The following ZNF821 variants were observed in gnomAD, a reference collection of about 807,000 sequenced individuals.
ZNF821 encodes zinc finger protein 821.
In ZNF821, 16 loss-of-function variants were observed where a neutral mutation model predicts 44.3. That is an observed-to-expected ratio of 0.36 (90% confidence interval 0.24 to 0.55). The LOEUF (loss-of-function observed/expected upper bound fraction) is 0.55. Ranked by LOEUF, ZNF821 falls within the 20% of genes least tolerant of loss-of-function variation. The pLI is 0.86. For synonymous variants in ZNF821, 204 were observed against 197.6 expected (o/e 1.03, Z -0.27); for missense variants, 436 against 547.6 (o/e 0.80, Z 2.03).
At chr16:71,879,054 A>G (rs2036157596) in intron 3 of ZNF821, among the ~76,000 whole-genome samples, 1 of 152,174 alleles carries the variant, frequency 6.6e-6, no homozygotes, top group Non-Finnish European at 1.5e-5. Context: ...ATTGCTTCAT[A>G]GTACCAAAAC....
intron 3 of ZNF821, among the ~76,000 whole-genome samples, chr16:71,878,695 C>G (rs561372037): frequency 2.0e-5 from 3 of 151,912 alleles, no homozygotes; most frequent in African/African-American, 2.4e-5. Context: ...TTTGGGAGCC[C>G]GAGGTGGCCA....
chr16:71,867,322 C>T (rs1036737478), intron 4 of ZNF821, among the ~76,000 whole-genome samples: 1 of 152,090 alleles, frequency 6.6e-6, no homozygotes, highest in Non-Finnish European at 1.5e-5. Flanking sequence ...ATTCCTATAT[C>T]CTTGCCTATC....
At chr16:71,865,219 G>C (rs2034398269) in intron 4 of ZNF821, among the ~76,000 whole-genome samples, 171 bp from the exon 5 acceptor site, 1 of 152,136 alleles carries the variant, frequency 6.6e-6, no homozygotes, top group Admixed American at 6.5e-5. Flanking sequence ...AACTATAGCT[G>C]TCATTTGTTA....
chr16:71,873,311 G>C (rs1226664734), intron 3 of ZNF821, among the ~76,000 whole-genome samples: 3 of 151,272 alleles, frequency 2.0e-5, no homozygotes, highest in Non-Finnish European at 4.4e-5. Context: ...GACTGAGCAG[G>C]ATGCTGTCTC....
At chr16:71,895,026 G>A (rs1189521365) in exon 1 of ZNF821, 6 of 524,084 alleles carry the variant, frequency 1.1e-5, no homozygotes, top group African/African-American at 2.0e-5. Context: ...CTTAGAGCCC[G>A]TAGAGGGACA....
chr16:71,871,511 G>C (rs866745074), intron 3 of ZNF821, among the ~76,000 whole-genome samples: 6 of 152,182 alleles, frequency 3.9e-5, no homozygotes, highest in Non-Finnish European at 7.3e-5. Context: ...CTTGCTAAAA[G>C]CATGTCATGT....
chr16:71,885,771 C>T (rs1451058603), upstream of ZNF821, among the ~76,000 whole-genome samples: 1 of 152,092 alleles, frequency 6.6e-6, no homozygotes, highest in Non-Finnish European at 1.5e-5. Context: ...GATTAGGATA[C>T]TTAGATAGCA....
intron 3 of ZNF821, among the ~76,000 whole-genome samples, chr16:71,872,543 G>A (rs1025959173): frequency 4.6e-5 from 7 of 152,134 alleles, no homozygotes; most frequent in African/African-American, 1.4e-4. Context: ...AACTCAGGAG[G>A]TGGAGCTTGC....
chr16:71,883,478 T>C (rs557336065), intron 1 of ZNF821: 41 of 274,508 alleles, frequency 1.5e-4, no homozygotes, highest in Non-Finnish European at 2.4e-4. Context: ...GACAAACCCT[T>C]AGACAACACA....
upstream of ZNF821, among the ~76,000 whole-genome samples, chr16:71,885,554 G>T (rs1206094619): frequency 6.6e-6 from 1 of 152,200 alleles, no homozygotes; most frequent in East Asian, 1.9e-4. Flanking sequence ...GGGCTAACGA[G>T]GATGCTGTCA....
At chr16:71,891,017 G>A (rs1204416788) in intron 1 of ZNF821, among the ~76,000 whole-genome samples, 9 of 149,460 alleles carry the variant, frequency 6.0e-5, no homozygotes, top group East Asian at 2.0e-4. Flanking sequence ...CTCGTGATCC[G>A]CCCGCCTCAC....
intron 2 of ZNF821, 28 bp downstream of exon 2, chr16:71,883,183 G>A (rs1356268460): frequency 4.4e-6 from 2 of 456,402 alleles, no homozygotes; most frequent in East Asian, 6.9e-5. Context: ...TGAAATCTCA[G>A]CTTGATGAAA....
At chr16:71,868,759 T>A (rs2034837914) in intron 3 of ZNF821, among the ~76,000 whole-genome samples, 1 of 152,074 alleles carries the variant, frequency 6.6e-6, no homozygotes, top group African/African-American at 2.4e-5. Context: ...TTTTTTTTTT[T>A]GAGAGAGAGT....
rs534354216 is a variant in ZNF821, at chr16:71,868,968, G to GT, written c.41-932dup. 2.6e-3 allele frequency among the ~76,000 whole-genome samples: 385 copies of GT among 150,916 alleles called. 1 individual carries two copies. Among genetic ancestry groups the GT allele is most frequent in the Non-Finnish European group, 4.1e-3 (274 of 67,394 alleles). ...TGAGCCACCATGCCTGGCCAGTCCA[G>GT]TTTTTTTTTAAATGTAGTACCCCAA... is the stretch of plus-strand genomic sequence containing the variant. On this transcript the variant is annotated intron_variant, in intron 3 of 7. Transcript: ENST00000425432.
chr16:71,874,780 G>A (rs1442399446), intron 3 of ZNF821, among the ~76,000 whole-genome samples: 2 of 152,124 alleles, frequency 1.3e-5, no homozygotes, highest in Non-Finnish European at 2.9e-5. Context: ...TAATAGACAA[G>A]CAGCATTAAA....
chr16:71,872,209 A>C (rs1271919863), intron 3 of ZNF821, among the ~76,000 whole-genome samples: 1 of 152,192 alleles, frequency 6.6e-6, no homozygotes, highest in Non-Finnish European at 1.5e-5. Flanking sequence ...ATGAGATGAA[A>C]GTTATTAGAA....
intron 2 of ZNF821, 146 bp downstream of exon 2, chr16:71,883,065 T>G (rs927231850): frequency 2.2e-6 from 1 of 455,698 alleles, no homozygotes; most frequent in Non-Finnish European, 4.4e-6. Context: ...AGGTTAAGAG[T>G]CCTCGGGAAG....
intron 1 of ZNF821, among the ~76,000 whole-genome samples, chr16:71,890,985 A>G (rs1388711179): frequency 6.6e-6 from 1 of 151,368 alleles, no homozygotes; most frequent in African/African-American, 2.4e-5. Flanking sequence ...TGTGTTAGCC[A>G]GGATGGTCTC....
At chr16:71,872,689 T>C (rs1248877862) in intron 3 of ZNF821, among the ~76,000 whole-genome samples, 1 of 152,210 alleles carries the variant, frequency 6.6e-6, no homozygotes, top group Non-Finnish European at 1.5e-5. Flanking sequence ...AGCTTAGGAT[T>C]CCATCTCTAG....
Sources: allele counts gnomAD v4.1 joint callset (sites outside exome capture counted in the v4.1 genomes callset), GRCh38; gene constraint gnomAD v4.1.1; transcripts MANE v1.5; gene names NCBI Gene and HGNC (gene_info 2026-07-23, HGNC 2026-07-21).